Variants in TAFA2 observed in about 807,000 individuals in gnomAD.
TAFA2 encodes the protein chemokine-like protein TAFA-2.
In TAFA2, 7 loss-of-function variants were observed where a neutral mutation model predicts 18.8. The observed-to-expected ratio is 0.37, with a 90% confidence interval of 0.21 to 0.70. TAFA2 has a LOEUF of 0.70. TAFA2 is among the 30% of genes least tolerant of loss of function. The probability of loss-of-function intolerance (pLI) is 0.53; values close to 1 mark genes in which losing one functional copy is unlikely to be tolerated. For synonymous variants in TAFA2, 60 were observed against 54.2 expected, an observed-to-expected ratio of 1.11 and a Z score of -0.47; for missense variants, 122 against 158.1, an observed-to-expected ratio of 0.77 and a Z score of 1.23.
intron 1 of TAFA2, among the ~76,000 whole-genome samples, chr12:61,955,613 AAAAAAAAAAAAAAAAAAAAATAT>A (rs1200819873): frequency 1.9e-4 from 5 of 25,722 alleles, no homozygotes; most frequent in African/African-American, 4.4e-4. Context: ...AAAAAAAAAA[AAAAAAAAAAAAAAAAAAAAATAT>A]ATATATATAT....
intron 4 of TAFA2, among the ~76,000 whole-genome samples, chr12:61,717,486 G>T (rs1163718826): frequency 3.3e-5 from 5 of 152,162 alleles, no homozygotes; most frequent in Non-Finnish European, 5.9e-5. Flanking sequence ...TACCTCCAAA[G>T]AACTGCTTTT....
intron 1 of TAFA2, 82 bp from the exon 2 acceptor site, chr12:61,867,508 C>A (rs1874410193): frequency 1.3e-6 from 1 of 799,124 alleles, no homozygotes; most frequent in Admixed American, 2.3e-5. Context: ...GTAAAGCCTT[C>A]CACTATACTT....
intron 1 of TAFA2, among the ~76,000 whole-genome samples, chr12:61,999,901 G>A (rs1007246002): frequency 5.3e-5 from 8 of 152,132 alleles, no homozygotes; most frequent in African/African-American, 1.9e-4. Context: ...TGGGAAAGAG[G>A]TAGCATCTTG....
intron 1 of TAFA2, among the ~76,000 whole-genome samples, chr12:61,951,631 C>A (rs767012150): frequency 1.3e-5 from 2 of 151,878 alleles, no homozygotes; most frequent in Non-Finnish European, 2.9e-5. Flanking sequence ...ACATGAAGGG[C>A]ATAGAAGAAA....
Position 61,821,826 on chromosome 12 carries a change from C to CA in TAFA2, c.106+45493dup, listed in dbSNP as rs557056445. ...AATGAGAATGCTTCAGACAGTTTGC[C>CA]AAATTTTAAATGCATTTTATTCCTG... On this transcript the variant is annotated intron_variant, in intron 2 of 4. Transcript: ENST00000416284. Among the ~76,000 whole-genome samples, 276 of 152,142 alleles carry CA rather than the reference C, an allele frequency of 1.8e-3. 1 individual carries two copies. The highest frequency in any genetic ancestry group is 3.7e-3 in the Non-Finnish European group (250 of 67,948).
At chr12:62,086,722 G>T (rs769221826) in intron 1 of TAFA2, among the ~76,000 whole-genome samples, 2 of 151,990 alleles carry the variant, frequency 1.3e-5, no homozygotes, top group Non-Finnish European at 2.9e-5. Flanking sequence ...AAATGGTATT[G>T]CTACTATGGA....
intron 2 of TAFA2, among the ~76,000 whole-genome samples, chr12:61,818,947 T>C (rs1872206262): frequency 6.6e-6 from 1 of 152,226 alleles, no homozygotes; most frequent in African/African-American, 2.4e-5. Context: ...TATAAAAGGC[T>C]GTAAGGCGAT....
chr12:61,805,001 A>G (rs1871551589), intron 2 of TAFA2, among the ~76,000 whole-genome samples: 1 of 152,026 alleles, frequency 6.6e-6, no homozygotes, highest in Non-Finnish European at 1.5e-5. Flanking sequence ...AAGCTTTGCT[A>G]TACTTATTCA....
chr12:61,863,976 C>A (rs746799990), intron 2 of TAFA2, among the ~76,000 whole-genome samples: 1 of 152,102 alleles, frequency 6.6e-6, no homozygotes, highest in Non-Finnish European at 1.5e-5. Context: ...GCAGACTGGG[C>A]GATTCTCCAG....
intron 1 of TAFA2, among the ~76,000 whole-genome samples, chr12:62,176,130 T>C (rs2062511796): frequency 6.6e-6 from 1 of 152,146 alleles, no homozygotes; most frequent in Admixed American, 6.5e-5. Context: ...GCCTGCATTG[T>C]CATATTATTA....
chr12:61,933,123 G>C (rs911710949), intron 1 of TAFA2, among the ~76,000 whole-genome samples: 12 of 152,144 alleles, frequency 7.9e-5, no homozygotes, highest in African/African-American at 2.9e-4. Flanking sequence ...GGAGGTTCTT[G>C]TACTGAATCA....
intron 1 of TAFA2, among the ~76,000 whole-genome samples, chr12:61,956,459 A>T (rs981978720): frequency 6.6e-6 from 1 of 152,054 alleles, no homozygotes; most frequent in Non-Finnish European, 1.5e-5. Flanking sequence ...AATTTTTCTG[A>T]CAATTAAGAG....
chr12:62,213,410 C>T (rs191562576), intron 1 of TAFA2, among the ~76,000 whole-genome samples: 1 of 152,018 alleles, frequency 6.6e-6, no homozygotes, highest in East Asian at 1.9e-4. Context: ...TTTGGGAGGC[C>T]GAGGTGGGCA....
At chr12:61,896,426 C>T (rs1875846636) in intron 1 of TAFA2, among the ~76,000 whole-genome samples, 1 of 152,204 alleles carries the variant, frequency 6.6e-6, no homozygotes. Context: ...CCCAGGGATT[C>T]CATAGATTGC....
At chr12:62,009,255 C>T (rs562540878) in intron 1 of TAFA2, among the ~76,000 whole-genome samples, 28 of 152,136 alleles carry the variant, frequency 1.8e-4, no homozygotes, top group Non-Finnish European at 3.8e-4. Context: ...TGATGCAGGT[C>T]CCCTTATTTA....
intron 2 of TAFA2, among the ~76,000 whole-genome samples, chr12:61,839,161 G>A (rs1350777752): frequency 6.6e-6 from 1 of 152,046 alleles, no homozygotes; most frequent in African/African-American, 2.4e-5. Context: ...GAGGAAGATG[G>A]GCAAGAAAGA....
At chr12:62,093,987 A>G (rs1438105584) in intron 1 of TAFA2, among the ~76,000 whole-genome samples, 1 of 152,078 alleles carries the variant, frequency 6.6e-6, no homozygotes, top group Admixed American at 6.6e-5. Flanking sequence ...AAGCAAGGTT[A>G]AAATGAATGT....
At chr12:62,190,488 G>A (rs1315364204) in intron 1 of TAFA2, among the ~76,000 whole-genome samples, 1 of 152,152 alleles carries the variant, frequency 6.6e-6, no homozygotes, top group African/African-American at 2.4e-5. Flanking sequence ...CAAGATCCGG[G>A]AGACATCTAA....
intron 2 of TAFA2, among the ~76,000 whole-genome samples, chr12:61,805,418 C>T (rs987038053): frequency 6.6e-6 from 1 of 151,914 alleles, no homozygotes; most frequent in African/African-American, 2.4e-5. Flanking sequence ...AACATCATGC[C>T]ATACTATATT....
Sources: allele counts gnomAD v4.1 joint callset (sites outside exome capture counted in the v4.1 genomes callset), GRCh38; gene constraint gnomAD v4.1.1; transcripts MANE v1.5; gene names NCBI Gene and HGNC (gene_info 2026-07-23, HGNC 2026-07-21).